The following ALG14 variants were observed in gnomAD, a reference collection of about 807,000 sequenced individuals.
The protein encoded by ALG14 is UDP-N-acetylglucosamine transferase subunit ALG14.
In ALG14, 17 loss-of-function variants were observed where a neutral mutation model predicts 22.8. The ratio of observed to expected loss-of-function variants is 0.75; its 90% CI spans 0.51 to 1.12. ALG14 has a LOEUF of 1.12. Among genes scored for constraint, ALG14 ranks in the 50% most tolerant of loss-of-function variants. The probability of loss-of-function intolerance (pLI) is 0.00; values close to 1 mark genes in which losing one functional copy is unlikely to be tolerated. For synonymous variants in ALG14, 89 were observed against 103.7 expected (o/e 0.86, Z 0.86); for missense variants, 288 against 271.8 (o/e 1.06, Z -0.42).
At chr1:95,065,892 T>C (rs1675342899) in intron 1 of ALG14, among the ~76,000 whole-genome samples, 1 of 152,180 alleles carries the variant, frequency 6.6e-6, no homozygotes, top group South Asian at 2.1e-4. Flanking sequence ...ATTGAGACAA[T>C]GAAAACATTG....
intron 2 of ALG14, among the ~76,000 whole-genome samples, chr1:95,030,727 T>C (rs1673973930): frequency 1.3e-5 from 2 of 152,208 alleles, no homozygotes; most frequent in Admixed American, 1.3e-4. Context: ...GTAAAGCCTA[T>C]GCAAGAGCGT....
chr1:95,034,003 G>T (rs918453991), intron 2 of ALG14, among the ~76,000 whole-genome samples: 1 of 152,148 alleles, frequency 6.6e-6, no homozygotes, highest in Non-Finnish European at 1.5e-5. Flanking sequence ...TCTGGTGCTG[G>T]CTCACATCTC....
chr1:95,072,930 GGGACCA>G lies in ALG14; in HGVS notation c.-38_-33del, dbSNP rs758371528. 180 of 1,611,916 alleles carry G rather than the reference GGGACCA, an allele frequency of 1.1e-4. No homozygotes were observed. The highest frequency in any genetic ancestry group is 1.5e-4 in the Non-Finnish European group (176 of 1,179,548). On this transcript the variant is annotated 5_prime_UTR_variant, in exon 1 of 4. Coordinates refer to ENST00000370205, the MANE Select transcript of ALG14 (RefSeq NM_144988.4). ...AAACGGCGCATGCGTCCAACTTCCG[GGGACCA>G]GCCGCTGTCAAAGTTCACAACTACG...
At chr1:95,052,674 A>G (rs1674786898) in intron 2 of ALG14, among the ~76,000 whole-genome samples, 1 of 152,100 alleles carries the variant, frequency 6.6e-6, no homozygotes, top group Non-Finnish European at 1.5e-5. Context: ...CCTGGGCAAC[A>G]TGTTGAGACC....
At position 95,035,225 on chromosome 1, in the gene ALG14, T is replaced by C. The variant is rs11801113; in HGVS notation, c.289-7965A>G. On this transcript the variant is annotated intron_variant, in intron 2 of 3. Transcript: ENST00000370205. ...TCTCTTTCTTCTCTGTCTCTTTCTC[T>C]CTTCTTTCTTTCTTTGTAGTTCAAT... is the stretch of plus-strand genomic sequence containing the variant. Among the ~76,000 whole-genome samples, 553 of 152,340 alleles carry C rather than the reference T, an allele frequency of 3.6e-3. 6 individuals carry two copies. Among genetic ancestry groups the C allele is most frequent in the African/African-American group, 0.013 (525 of 41,586 alleles).
chr1:95,031,543 A>T (rs1008669024), intron 2 of ALG14, among the ~76,000 whole-genome samples: 6 of 152,162 alleles, frequency 3.9e-5, no homozygotes, highest in Admixed American at 2.6e-4. Context: ...CCTACTAAAA[A>T]GACTGCTCTA....
At position 95,026,001 on chromosome 1, in the gene ALG14, C is replaced by T. The variant is rs1019002948; in HGVS notation, c.420+1128G>A. Among the ~76,000 whole-genome samples, 9 of 152,054 alleles carry T rather than the reference C, an allele frequency of 5.9e-5. No individual in the cohort carries two copies. In the South Asian group the frequency reaches 8.3e-4, roughly 14 times the overall value. The stretch of plus-strand genomic sequence containing the variant: ...AGGCTGGAGTGCAGTGGTGCGATCT[C>T]GGCTCACTGCAAGCTCTGCCTCCGG... On this transcript the variant is annotated intron_variant, in intron 3 of 3. Coordinates refer to ENST00000370205, the MANE Select transcript of ALG14 (RefSeq NM_144988.4).
In ALG14 at chr1:94,986,205, C is replaced by T. The variant is rs1672635012; in HGVS notation, c.421-2899G>A. The stretch of plus-strand genomic sequence containing the variant: ...ATATAAATTATCAGTGAATGTGTCT[C>T]ACACCACCACCCGGGCCATCTCTCT... On this transcript the variant is annotated intron_variant, in intron 3 of 3. Coordinates refer to ENST00000370205, the MANE Select transcript of ALG14 (RefSeq NM_144988.4). 2.0e-5 allele frequency among the ~76,000 whole-genome samples: 3 copies of T among 152,156 alleles called. No individual in the cohort carries two copies. In the South Asian group the frequency reaches 6.2e-4, roughly 32 times the overall value.
chr1:95,068,799 G>T (rs1675463965), intron 1 of ALG14, among the ~76,000 whole-genome samples: 1 of 152,144 alleles, frequency 6.6e-6, no homozygotes, highest in Non-Finnish European at 1.5e-5. Context: ...CATTTGCCAG[G>T]TGAATTATCA....
chr1:95,065,082 T>A (rs1675310374), intron 1 of ALG14, 65 bp from the exon 2 acceptor site: 5 of 1,427,908 alleles, frequency 3.5e-6, no homozygotes, highest in Admixed American at 2.3e-5. Flanking sequence ...TTTGACCATG[T>A]TATACCAATA....
intron 3 of ALG14, among the ~76,000 whole-genome samples, chr1:95,007,808 T>C (rs990527113): frequency 1.8e-4 from 28 of 152,222 alleles, no homozygotes; most frequent in Admixed American, 2.6e-4. Flanking sequence ...CTTCAAGAAG[T>C]GGGAGACAGG....
chr1:95,052,728 C>T (rs535616751), intron 2 of ALG14, among the ~76,000 whole-genome samples: 9 of 151,840 alleles, frequency 5.9e-5, no homozygotes, highest in Non-Finnish European at 1.2e-4. Context: ...TGTGGTGGCA[C>T]GTGCCTGTAA....
chr1:95,015,601 G>C (rs1673476837), intron 3 of ALG14, among the ~76,000 whole-genome samples: 1 of 152,192 alleles, frequency 6.6e-6, no homozygotes, highest in Admixed American at 6.5e-5. Context: ...GGTGCATGTG[G>C]ATAAGCCCTT....
Position 95,034,751 on chromosome 1 carries a change from C to T in ALG14, c.289-7491G>A, listed in dbSNP as rs760442163. ...ATAAGGAGCTGAACCACGAAGTTTA[C>T]TCCCTGCCTCCTGCTACTCTTATGT... On this transcript the variant is annotated intron_variant, in intron 2 of 3. Transcript: ENST00000370205. Among the ~76,000 whole-genome samples the T allele has an allele frequency of 5.8e-4, 88 of 152,326 alleles. 1 individual carries two copies. The highest frequency in any genetic ancestry group is 8.1e-4 in the Non-Finnish European group (55 of 68,034).
intron 2 of ALG14, among the ~76,000 whole-genome samples, chr1:95,049,901 T>A (rs1674689970): frequency 2.0e-5 from 3 of 152,108 alleles, no homozygotes; most frequent in Admixed American, 2.0e-4. Flanking sequence ...AAATAAAATT[T>A]TTTTCTACAA....
intron 1 of ALG14, chr1:95,067,245 A>G (rs1675404459): frequency 6.6e-6 from 1 of 152,272 alleles, no homozygotes. Context: ...TTCTGCAAGG[A>G]CATCTGCCCA....
chr1:95,003,923 A>G (rs1673136558), intron 3 of ALG14, among the ~76,000 whole-genome samples: 1 of 152,250 alleles, frequency 6.6e-6, no homozygotes, highest in Non-Finnish European at 1.5e-5. Flanking sequence ...ATTTGATATC[A>G]GCAGTCCTTT....
In ALG14 at chr1:94,979,485, T is replaced by C. The variant is rs897023565; in HGVS notation, c.*3591A>G. ...ATTTTTGTTGAAGAGCTGGCTTAGG[T>C]TGTAACTATGGGACTGAAAAGGAAA... On this transcript the variant is annotated 3_prime_UTR_variant, in exon 4 of 4. Transcript: ENST00000370205. 1.3e-5 allele frequency: 2 copies of C among 151,778 alleles called. No individual in the cohort carries two copies. The highest frequency in any genetic ancestry group is 4.8e-5 in the African/African-American group (2 of 41,336). 9.4% of individuals were successfully genotyped at this position (151,778 alleles called of 1,614,324 possible). A position where few individuals can be genotyped will look rare whatever the true frequency, so the allele number is the denominator to read the frequency against.
At chr1:95,005,074 A>G (rs1320463321) in intron 3 of ALG14, among the ~76,000 whole-genome samples, 1 of 152,194 alleles carries the variant, frequency 6.6e-6, no homozygotes, top group Non-Finnish European at 1.5e-5. Context: ...AACTCAAGCA[A>G]TGCCACAAGA....
Sources: allele counts gnomAD v4.1 joint callset (sites outside exome capture counted in the v4.1 genomes callset), GRCh38; gene constraint gnomAD v4.1.1; transcripts MANE v1.5; gene names NCBI Gene and HGNC (gene_info 2026-07-23, HGNC 2026-07-21).